The following FARSB variants were observed in gnomAD, a reference collection of about 807,000 sequenced individuals.
FARSB encodes phenylalanine--tRNA ligase beta subunit.
In FARSB, 40 loss-of-function variants were observed where a neutral mutation model predicts 69.6. That is an observed-to-expected ratio of 0.57 (90% CI 0.45 to 0.75). The LOEUF (loss-of-function observed/expected upper bound fraction) is 0.75, where lower values mean the gene tolerates loss of function less well. Among genes scored for constraint, FARSB ranks in the 30% least tolerant of loss-of-function variants. FARSB has a pLI of 0.00. For missense variants in FARSB, 632 were observed against 722.9 expected (o/e 0.87, Z 1.44); for synonymous variants, 235 against 247.2 (o/e 0.95, Z 0.46).
chr2:222,596,365 C>G (rs1690414811), intron 16 of FARSB, among the ~76,000 whole-genome samples: 1 of 152,210 alleles, frequency 6.6e-6, no homozygotes, highest in Admixed American at 6.5e-5. Flanking sequence ...CTGTTCCATT[C>G]ATCCCTACCA....
At chr2:222,600,827 G>A (rs1690537605) in intron 15 of FARSB, among the ~76,000 whole-genome samples, 1 of 152,166 alleles carries the variant, frequency 6.6e-6, no homozygotes. Flanking sequence ...AAGAAGCTTA[G>A]GATACTGGCA....
At chr2:222,626,376 C>T (rs868553567) in intron 10 of FARSB, among the ~76,000 whole-genome samples, 1 of 151,508 alleles carries the variant, frequency 6.6e-6, no homozygotes, top group Non-Finnish European at 1.5e-5. Context: ...CCCTAGTTCT[C>T]TTATTTTAAA....
chr2:222,588,721 C>G (rs940945599), intron 16 of FARSB, among the ~76,000 whole-genome samples: 6 of 152,156 alleles, frequency 3.9e-5, no homozygotes, highest in Non-Finnish European at 4.4e-5. Flanking sequence ...CATTAACAGA[C>G]AAACGGAGAG....
Position 222,624,753 on chromosome 2 carries a change from A to G in FARSB, c.923T>C (p.Met308Thr), listed in dbSNP as rs2106219989. The G allele has an allele frequency of 3.7e-6, 6 of 1,604,020 alleles. No individual in the cohort carries two copies. Among genetic ancestry groups the G allele is most frequent in the Admixed American group, 1.7e-5 (1 of 59,004 alleles). Reference protein sequence around the residue: ...TFPELAYRKEMVRADLINKKV... With the variant: ...TFPELAYRKETVRADLINKKV... ...TTTGTTAATTAGGTCAGCTCTCACC[A>G]TCTCCTTTCGGTAAGCTAATTCCTT... The change falls in exon 11 of 17, where the codon ATG becomes ACG. Residue 308 changes from methionine to threonine, a missense_variant. By Grantham distance (81) the Met-to-Thr change is moderately conservative (BLOSUM62 -1). Transcript: ENST00000281828.
chr2:222,573,738 C>T (rs906986056), intron 16 of FARSB, among the ~76,000 whole-genome samples: 26 of 152,284 alleles, frequency 1.7e-4, no homozygotes, highest in African/African-American at 5.5e-4. Flanking sequence ...CACCCCAGCA[C>T]CCCTATACAG....
At chr2:222,611,410 TCTTTCTTTCTTTC>T (rs1362411173) in intron 15 of FARSB, among the ~76,000 whole-genome samples, 1 of 146,234 alleles carries the variant, frequency 6.8e-6, no homozygotes, top group Non-Finnish European at 1.5e-5. Flanking sequence ...AGTAATTTGT[TCTTTCTTTCTTTC>T]CTTTCTTTCT....
intron 16 of FARSB, among the ~76,000 whole-genome samples, chr2:222,582,065 C>A (rs562337244): frequency 6.6e-6 from 1 of 152,328 alleles, no homozygotes; most frequent in Non-Finnish European, 1.5e-5. Context: ...TGATCCCATA[C>A]TTCTAGGAAT....
At chr2:222,606,807 T>C (rs924320029) in intron 15 of FARSB, among the ~76,000 whole-genome samples, 2 of 152,218 alleles carry the variant, frequency 1.3e-5, no homozygotes, top group Non-Finnish European at 1.5e-5. Flanking sequence ...TTATCATACA[T>C]GGCACAGACT....
intron 16 of FARSB, among the ~76,000 whole-genome samples, chr2:222,575,680 A>G (rs1222347208): frequency 6.6e-6 from 1 of 152,208 alleles, no homozygotes; most frequent in Non-Finnish European, 1.5e-5. Flanking sequence ...ATACATGTGA[A>G]AGTCTGGACA....
At chr2:222,599,776 G>T in intron 16 of FARSB, 152 bp downstream of exon 16, 1 of 625,904 alleles carries the variant, frequency 1.6e-6, no homozygotes, top group Non-Finnish European at 2.7e-6. Context: ...GAGGGAAAGG[G>T]GATATTTTCT....
chr2:222,629,988 G>A (rs1387995820), intron 9 of FARSB, 125 bp downstream of exon 9: 18 of 628,244 alleles, frequency 2.9e-5, no homozygotes, highest in Admixed American at 9.5e-5. Flanking sequence ...CAATCCTCCC[G>A]CCTCAGCCTC....
chr2:222,605,814 G>A (rs979499812), intron 15 of FARSB, among the ~76,000 whole-genome samples: 3 of 152,128 alleles, frequency 2.0e-5, no homozygotes, highest in African/African-American at 7.2e-5. Flanking sequence ...TCATATGCCT[G>A]TAGTCCCAGC....
intron 16 of FARSB, among the ~76,000 whole-genome samples, chr2:222,574,677 C>T (rs1236020612): frequency 4.6e-5 from 7 of 152,204 alleles, no homozygotes; most frequent in East Asian, 1.9e-4. Context: ...TGTATAAACT[C>T]GACTTTGCTG....
intron 15 of FARSB, among the ~76,000 whole-genome samples, chr2:222,609,147 T>C (rs1228467717): frequency 1.3e-5 from 2 of 152,210 alleles, no homozygotes; most frequent in African/African-American, 4.8e-5. Flanking sequence ...TCTATATACA[T>C]TGGCAGCTTC....
chr2:222,585,060 C>T (rs1373895850), intron 16 of FARSB, among the ~76,000 whole-genome samples: 1 of 152,214 alleles, frequency 6.6e-6, no homozygotes, highest in Non-Finnish European at 1.5e-5. Context: ...GGTCCCTGAC[C>T]CCCGAGTAAC....
At chr2:222,634,635 A>G (rs2106230735) in intron 5 of FARSB, 94 bp from the exon 6 acceptor site, 2 of 943,556 alleles carry the variant, frequency 2.1e-6, no homozygotes, top group Admixed American at 2.9e-5. Context: ...TTCTAAAGAT[A>G]ACATAAATAT....
intron 5 of FARSB, among the ~76,000 whole-genome samples, chr2:222,636,176 G>A (rs142186461): frequency 6.6e-6 from 1 of 151,918 alleles, no homozygotes; most frequent in African/African-American, 2.4e-5. Context: ...GGAGGCCGAG[G>A]CAGGTGGATC....
At chr2:222,645,623 T>C (rs1668592255) in intron 2 of FARSB, among the ~76,000 whole-genome samples, 1 of 152,032 alleles carries the variant, frequency 6.6e-6, no homozygotes, top group Admixed American at 6.6e-5. Context: ...GTCTTTTTTT[T>C]TTTTTGAGAA....
At chr2:222,624,573 C>A (rs1691219677) in intron 11 of FARSB, 94 bp from the exon 12 acceptor site, 3 of 984,952 alleles carry the variant, frequency 3.0e-6, no homozygotes, top group African/African-American at 1.6e-5. Context: ...GAAACAGTAA[C>A]CTTTCTTTTT....
Sources: gnomAD v4.1 joint callset for allele counts (sites outside exome capture counted in the v4.1 genomes callset) on GRCh38, gnomAD v4.1.1 for gene constraint, MANE v1.5 for transcripts, NCBI Gene and HGNC (gene_info 2026-07-23, HGNC 2026-07-21) for gene names.